Variants in TSPAN14 observed in about 807,000 individuals in gnomAD.
TSPAN14 encodes the protein tetraspanin 14.
In TSPAN14, 16 loss-of-function variants were observed where a neutral mutation model predicts 36.6. The observed-to-expected ratio is 0.44, with a 90% CI of 0.30 to 0.66. The LOEUF is 0.66. Among genes scored for constraint, TSPAN14 ranks in the 30% least tolerant of loss-of-function variants. TSPAN14 has a pLI of 0.12. For missense variants in TSPAN14, 231 were observed against 355.1 expected (o/e 0.65, Z 2.81); for synonymous variants, 139 against 143.8 (o/e 0.97, Z 0.24).
At chr10:80,481,816 G>A (rs959711208) in intron 1 of TSPAN14, among the ~76,000 whole-genome samples, 2 of 151,652 alleles carry the variant, frequency 1.3e-5, no homozygotes, top group Non-Finnish European at 2.9e-5. Context: ...ACTGAGTCTC[G>A]CTCTGTCGCT....
At chr10:80,508,733 T>C (rs1840448156) in intron 4 of TSPAN14, among the ~76,000 whole-genome samples, 1 of 152,218 alleles carries the variant, frequency 6.6e-6, no homozygotes, top group South Asian at 2.1e-4. Context: ...ATGTCCTGCA[T>C]GAACTATGTG....
chr10:80,508,835 G>T (rs999444453), intron 4 of TSPAN14, among the ~76,000 whole-genome samples: 1 of 152,180 alleles, frequency 6.6e-6, no homozygotes, highest in Non-Finnish European at 1.5e-5. Context: ...ATGGTTTTGT[G>T]TGTGTAGTGG....
Position 80,515,093 on chromosome 10 carries a change from T to TG in TSPAN14, c.621+1032dup, listed in dbSNP as rs796823942. ...TAGTATTTTATTCTAGTTGCCTGAA[T>TG]GGACTAAGATAAGAACCTATATCAA... On this transcript the variant is annotated intron_variant, in intron 7 of 8. Coordinates refer to ENST00000429989, the Ensembl canonical transcript of TSPAN14. Among the ~76,000 whole-genome samples, 38 of 152,374 alleles carry TG rather than the reference T, an allele frequency of 2.5e-4. No individual in the cohort carries two copies. The East Asian group carries it at 6.9e-3, about 28-fold the overall frequency.
intron 1 of TSPAN14, among the ~76,000 whole-genome samples, chr10:80,463,585 A>AGCAGT (rs147527463): frequency 6.8e-4 from 104 of 152,350 alleles, no homozygotes; most frequent in African/African-American, 2.4e-3. Context: ...TCTTTTTAAC[A>AGCAGT]GCAGTGCATG....
chr10:80,481,547 T>C (rs907138546), intron 1 of TSPAN14, among the ~76,000 whole-genome samples: 1 of 152,124 alleles, frequency 6.6e-6, no homozygotes, highest in Non-Finnish European at 1.5e-5. Context: ...GTGGAGAGAT[T>C]GGAAAGGACA....
intron 2 of TSPAN14, among the ~76,000 whole-genome samples, chr10:80,501,951 AG>A (rs1848546008): frequency 6.6e-6 from 1 of 152,200 alleles, no homozygotes; most frequent in Non-Finnish European, 1.5e-5. Context: ...TGGCCTCAGA[AG>A]GGCTTAGCTG....
intron 5 of TSPAN14, among the ~76,000 whole-genome samples, chr10:80,511,032 T>C (rs1035104104): frequency 6.6e-6 from 1 of 152,182 alleles, no homozygotes; most frequent in African/African-American, 2.4e-5. Context: ...ACCTGAGAAG[T>C]AAGCAAAACA....
At position 80,509,348 on chromosome 10, in the gene TSPAN14, C is replaced by G. The variant is rs761571527; in HGVS notation, c.327C>G (p.Ala109=). The change falls in exon 5 of 9, where the codon GCC becomes GCG. Residue 109 remains alanine (A), a synonymous_variant. Transcript: ENST00000429989. This position sits in a 1 kb window ranked among gnomAD's most constrained non-coding sequence, Gnocchi z 4.7. ...TCTTCTTCCTGGAGCTGGCTGTGGC[C>G]GTGCTGGCCTTCCTGTTCCAGGACT... is the stretch of plus-strand genomic sequence containing the variant. 7 of 1,614,096 alleles carry G rather than the reference C, an allele frequency of 4.3e-6. No individual in the cohort carries two copies. The highest frequency in any genetic ancestry group is 5.9e-6 in the Non-Finnish European group (7 of 1,180,010).
chr10:80,470,232 T>C (rs977557994), intron 1 of TSPAN14, among the ~76,000 whole-genome samples: 2 of 152,208 alleles, frequency 1.3e-5, no homozygotes, highest in African/African-American at 4.8e-5. Flanking sequence ...ACTACAGGTG[T>C]GCGCCACCAG....
Position 80,519,157 on chromosome 10 carries a change from C to T in TSPAN14, c.*1181C>T, listed in dbSNP as rs1424030443. 1.6e-4 allele frequency: 25 copies of T among 152,740 alleles called. 1 individual carries two copies. The highest frequency in any genetic ancestry group is 1.6e-3 in the Admixed American group (25 of 15,290). 9.5% of individuals were successfully genotyped at this position (152,740 alleles called of 1,614,324 possible). On this transcript the variant is annotated 3_prime_UTR_variant, in exon 9 of 9. Transcript: ENST00000429989. ...CAGGGCTGGCTGGCCTGCCATTTGC[C>T]TCTCCCCGGAGACAGCCGTTCTTCT...
At chr10:80,479,856 G>C (rs1243161054) in intron 1 of TSPAN14, among the ~76,000 whole-genome samples, 1 of 150,304 alleles carries the variant, frequency 6.7e-6, no homozygotes, top group African/African-American at 2.5e-5. Context: ...TGATGGGGAT[G>C]GCATTGAATC....
chr10:80,518,020 A>C (rs987145983), exon 9 of TSPAN14: 1 of 1,545,612 alleles, frequency 6.5e-7, no homozygotes, highest in Non-Finnish European at 8.8e-7. Context: ...CTGGGAGGCC[A>C]GAGCCTTTCT....
intron 2 of TSPAN14, among the ~76,000 whole-genome samples, chr10:80,494,636 G>C (rs909569664): frequency 7.9e-5 from 12 of 152,194 alleles, no homozygotes; most frequent in African/African-American, 2.9e-4. Context: ...TCTTCTGACT[G>C]ATGGAAAATT....
chr10:80,461,473 G>A (rs765617224), intron 1 of TSPAN14, among the ~76,000 whole-genome samples: 1 of 152,182 alleles, frequency 6.6e-6, no homozygotes, highest in African/African-American at 2.4e-5. Flanking sequence ...TGGTATAAAC[G>A]TGGATAGGTT....
intron 1 of TSPAN14, among the ~76,000 whole-genome samples, chr10:80,482,102 G>GCTAGAAGTTGGAAGTGTCAC (rs1847311186): frequency 6.6e-6 from 1 of 152,190 alleles, no homozygotes. Flanking sequence ...TCAAGAGTCA[G>GCTAGAAGTTGGAAGTGTCAC]CTAGAAGTTG....
At chr10:80,504,236 A>T (rs1243358684) in intron 2 of TSPAN14, among the ~76,000 whole-genome samples, 1 of 152,228 alleles carries the variant, frequency 6.6e-6, no homozygotes, top group Admixed American at 6.5e-5. Flanking sequence ...GTCTATCTCC[A>T]GGGCTGGAGA....
rs144934692 is a variant in TSPAN14 at position 80,510,812 on chromosome 10, G to A, written c.451-1332G>A. ...TGGTGTGAACCCGGGAGGCGGAACT[G>A]GCAGTGAGCCGAGATCACGCCACTG... On this transcript the variant is annotated intron_variant, in intron 5 of 8. Transcript: ENST00000429989. Among the ~76,000 whole-genome samples, 1,283 of 152,184 alleles carry A rather than the reference G, an allele frequency of 8.4e-3. 20 individuals carry two copies. Among genetic ancestry groups the A allele is most frequent in the African/African-American group, 0.029 (1,223 of 41,504 alleles).
At chr10:80,502,956 G>C (rs1184732714) in intron 2 of TSPAN14, among the ~76,000 whole-genome samples, 3 of 152,098 alleles carry the variant, frequency 2.0e-5, no homozygotes, top group Non-Finnish European at 4.4e-5. Flanking sequence ...AGGCAGTCAG[G>C]GGCATATGCT....
chr10:80,511,837 G>A lies in TSPAN14; in HGVS notation c.451-307G>A, dbSNP rs118119489. The stretch of plus-strand genomic sequence containing the variant: ...TTCCTTTCTTTCTTTCTGATTGGGG[G>A]TGGGGGTCTTGCTGTGTTGCCCAGA... On this transcript the variant is annotated intron_variant, in intron 5 of 8. Coordinates refer to ENST00000429989, the Ensembl canonical transcript of TSPAN14. Among the ~76,000 whole-genome samples the A allele has an allele frequency of 3.6e-4, 53 of 148,612 alleles. No individual in the cohort carries two copies. In the East Asian group the frequency reaches 0.011, roughly 30 times the overall value.
Sources: gnomAD v4.1 joint callset for allele counts (sites outside exome capture counted in the v4.1 genomes callset) on GRCh38, gnomAD v4.1.1 for gene constraint, Gnocchi (gnomAD v3.1) non-coding constraint, MANE v1.5 for transcripts, NCBI Gene and HGNC (gene_info 2026-07-23, HGNC 2026-07-21) for gene names.